Variants in SYCP2 observed in about 807,000 individuals in gnomAD.
The protein encoded by SYCP2 is synaptonemal complex lateral element protein.
Under a neutral mutation model 211.3 loss-of-function variants are expected in SYCP2, and 55 were observed. That is an observed-to-expected ratio of 0.26 (90% CI 0.21 to 0.33). The LOEUF (loss-of-function observed/expected upper bound fraction) is 0.33. Among genes scored for constraint, SYCP2 ranks in the 10% least tolerant of loss-of-function variants. The pLI is 1.00. For synonymous variants in SYCP2, 570 were observed against 555.2 expected (o/e 1.03, Z -0.37); for missense variants, 1,731 against 1,752.0 (o/e 0.99, Z 0.21).
chr20:59,904,389 A>G (rs1213196541), intron 15 of SYCP2, among the ~76,000 whole-genome samples: 1 of 152,148 alleles, frequency 6.6e-6, no homozygotes, highest in Non-Finnish European at 1.5e-5. Context: ...CAGAAGACAC[A>G]AATCTAATAG....
At chr20:59,916,907 A>AC (rs2060453851) in intron 7 of SYCP2, among the ~76,000 whole-genome samples, 1 of 152,170 alleles carries the variant, frequency 6.6e-6, no homozygotes, top group Non-Finnish European at 1.5e-5. Context: ...TGAGAGTGAG[A>AC]CCCTGTCTCA....
At chr20:59,864,690 A>AG (rs1253488718) in intron 44 of SYCP2, among the ~76,000 whole-genome samples, 3 of 152,040 alleles carry the variant, frequency 2.0e-5, no homozygotes, top group Admixed American at 6.6e-5. Context: ...AATTTCAACA[A>AG]GGATCAACCT....
intron 2 of SYCP2, among the ~76,000 whole-genome samples, chr20:59,930,990 A>G (rs1160956104): frequency 2.6e-5 from 4 of 152,226 alleles, no homozygotes; most frequent in Non-Finnish European, 4.4e-5. Context: ...TTTTAAAATA[A>G]AAATGAACTA....
Position 59,881,465 on chromosome 20 carries a change from C to G in SYCP2, c.2686G>C (p.Glu896Gln). 1.9e-6 allele frequency: 3 copies of G among 1,540,070 alleles called. No homozygotes were observed. The highest frequency in any genetic ancestry group is 2.6e-6 in the Non-Finnish European group (3 of 1,137,714). The change falls in exon 29 of 45, where the codon GAA (glutamate) becomes CAA (glutamine). Residue 896 changes from glutamate to glutamine, a missense_variant. Transcript: ENST00000357552. Reference protein sequence around the residue: ...GIQEFQATAKEACADRSIRLV... With the variant: ...GIQEFQATAKQACADRSIRLV... ...CTAATTGACCTATCCGCACAAGCTT[C>G]TTTAGCTGTAGCTTGAAACTCTTGG... is the stretch of plus-strand genomic sequence containing the variant.
chr20:59,864,636 T>C (rs1250318321), intron 44 of SYCP2, among the ~76,000 whole-genome samples: 1 of 151,968 alleles, frequency 6.6e-6, no homozygotes, highest in Non-Finnish European at 1.5e-5. Context: ...GAAATTTAGA[T>C]TCAATTTTTA....
At chr20:59,916,626 T>C in intron 7 of SYCP2, 55 bp from the exon 8 acceptor site, 1 of 1,197,896 alleles carries the variant, frequency 8.3e-7, no homozygotes, top group Non-Finnish European at 1.2e-6. Context: ...CTCTTAACTG[T>C]CAGTCTTTTC....
At chr20:59,911,894 A>G (rs1231542144) in intron 13 of SYCP2, 49 bp from the exon 14 acceptor site, 18 of 962,536 alleles carry the variant, frequency 1.9e-5, no homozygotes, top group Non-Finnish European at 2.6e-5. Context: ...TTTTAGAAAT[A>G]ACAGACAATT....
At chr20:59,895,993 T>G (rs2059999874) in intron 19 of SYCP2, among the ~76,000 whole-genome samples, 2 of 152,100 alleles carry the variant, frequency 1.3e-5, no homozygotes, top group South Asian at 4.1e-4. Context: ...AAAGTTTCAC[T>G]AGGTAACTTA....
intron 24 of SYCP2, among the ~76,000 whole-genome samples, chr20:59,891,579 T>A (rs772445951): frequency 2.0e-5 from 3 of 152,034 alleles, no homozygotes; most frequent in Non-Finnish European, 4.4e-5. Context: ...GTATAAAGGC[T>A]GTGCTAGGAC....
intron 2 of SYCP2, among the ~76,000 whole-genome samples, chr20:59,927,017 A>C (rs2060645885): frequency 6.6e-6 from 1 of 152,112 alleles, no homozygotes; most frequent in Non-Finnish European, 1.5e-5. Context: ...CATTGGACAA[A>C]CAGTTTCTGA....
At chr20:59,891,556 G>A (rs2059905338) in intron 24 of SYCP2, among the ~76,000 whole-genome samples, 1 of 151,870 alleles carries the variant, frequency 6.6e-6, no homozygotes, top group Non-Finnish European at 1.5e-5. Flanking sequence ...AAAAATGTTT[G>A]AGATGCTACT....
intron 12 of SYCP2, 34 bp downstream of exon 12, chr20:59,913,941 G>C: frequency 6.6e-7 from 1 of 1,522,302 alleles, no homozygotes; most frequent in East Asian, 2.3e-5. Context: ...CTATTTATTT[G>C]ACAGTAAATG....
rs182148178 is a variant in SYCP2, at chr20:59,919,666, C to T, written c.298-69G>A. 5.1e-3 allele frequency: 4,837 copies of T among 948,106 alleles called. 31 individuals carry two copies. Among genetic ancestry groups the T allele is most frequent in the Non-Finnish European group, 6.5e-3 (4,028 of 623,470 alleles). 58.7% of individuals were successfully genotyped at this position (948,106 alleles called of 1,614,324 possible). On this transcript the variant is annotated intron_variant, in intron 5 of 44. Transcript: ENST00000357552. Reference sequence around the variant, plus strand: ...TTAAGAATGTACTTATCTATCTTTGCATAAACAGTAAACCTAGGAATAAAG... The same window carrying T: ...TTAAGAATGTACTTATCTATCTTTGTATAAACAGTAAACCTAGGAATAAAG...
intron 3 of SYCP2, among the ~76,000 whole-genome samples, 196 bp from the exon 4 acceptor site, chr20:59,921,649 TATG>T (rs1391889261): frequency 3.3e-5 from 5 of 151,576 alleles, no homozygotes; most frequent in Non-Finnish European, 3.0e-5. Context: ...TCTTTGATAA[TATG>T]ATTAGAAAAA....
At chr20:59,901,929 A>C (rs2060123295) in intron 15 of SYCP2, 119 bp from the exon 16 acceptor site, 5 of 785,540 alleles carry the variant, frequency 6.4e-6, no homozygotes, top group African/African-American at 3.6e-5. Flanking sequence ...TCAATATTGA[A>C]CAGTGTTTAA....
At chr20:59,904,871 GGCAAGAGAGGGA>G (rs2060185306) in intron 15 of SYCP2, among the ~76,000 whole-genome samples, 1 of 152,104 alleles carries the variant, frequency 6.6e-6, no homozygotes, top group African/African-American at 2.4e-5. Context: ...CATATCACAT[GGCAAGAGAGGGA>G]GCAAGAGAGA....
intron 2 of SYCP2, among the ~76,000 whole-genome samples, chr20:59,928,936 AAT>A (rs2060683218): frequency 6.6e-6 from 1 of 152,204 alleles, no homozygotes; most frequent in Admixed American, 6.5e-5. Context: ...CATAAAAAGT[AAT>A]AGATTTTAAC....
At chr20:59,908,373 T>C (rs964772168) in intron 14 of SYCP2, among the ~76,000 whole-genome samples, 8 of 152,160 alleles carry the variant, frequency 5.3e-5, no homozygotes, top group African/African-American at 1.9e-4. Flanking sequence ...CCTTCTCTCC[T>C]ATACCTTAAT....
In SYCP2 at chr20:59,920,473, C is replaced by A; in HGVS notation, c.183G>T (p.Glu61Asp). The change falls in exon 5 of 45, where the codon GAG becomes GAT. Residue 61 changes from glutamate to aspartate, a missense_variant. Transcript: ENST00000357552. ...AAATGGCTGAAACATTGTGGATATC[C>A]TCTTTATTAAGTTCCTGAAATAAAA... is the stretch of plus-strand genomic sequence containing the variant. The part of the protein sequence containing the change: ...DNLICRELNK[E>D]DIHNVSAILV... 6.2e-7 allele frequency: 1 copy of A among 1,601,368 alleles called. No individual in the cohort carries two copies. Among genetic ancestry groups the A allele is most frequent in the Non-Finnish European group, 8.5e-7 (1 of 1,171,558 alleles).
Sources: gnomAD v4.1 joint callset for allele counts (sites outside exome capture counted in the v4.1 genomes callset) on GRCh38, gnomAD v4.1.1 for gene constraint, MANE v1.5 for transcripts, NCBI Gene and HGNC (gene_info 2026-07-23, HGNC 2026-07-21) for gene names.